Variants in COL28A1 observed in about 807,000 individuals in gnomAD.
COL28A1 encodes the protein collagen alpha-1(XXVIII) chain.
In COL28A1, 161 loss-of-function variants were observed where a neutral mutation model predicts 150.2. The ratio of observed to expected loss-of-function variants is 1.07; its 90% confidence interval spans 0.94 to 1.22. The LOEUF is 1.22. COL28A1 is among the 50% of genes most tolerant of loss of function. The probability of loss-of-function intolerance (pLI) is 0.00; values close to 1 mark genes in which losing one functional copy is unlikely to be tolerated. For synonymous variants in COL28A1, 552 were observed against 469.7 expected (o/e 1.18, Z -2.26); for missense variants, 1,617 against 1,388.3 (o/e 1.16, Z -2.62).
At chr7:7,348,067 A>T in the COL28A1 span, among the ~76,000 whole-genome samples, 12 of 152,248 alleles carry the variant, frequency 7.9e-5, no homozygotes, top group East Asian at 7.7e-4. Context: ...AGAGGAGGAA[A>T]TAGATTTGAG....
the COL28A1 span, among the ~76,000 whole-genome samples, chr7:7,340,308 C>T: frequency 1.3e-5 from 2 of 152,120 alleles, no homozygotes; most frequent in South Asian, 4.1e-4. Flanking sequence ...TTTGAACTTT[C>T]CAGTGTTCCT....
chr7:7,488,475 C>A (rs183917344), intron 13 of COL28A1, among the ~76,000 whole-genome samples: 1 of 152,244 alleles, frequency 6.6e-6, no homozygotes, highest in East Asian at 1.9e-4. Flanking sequence ...TTTATTTGTA[C>A]CTAAGTGAGT....
intron 25 of COL28A1, among the ~76,000 whole-genome samples, chr7:7,426,906 A>G (rs1337566738): frequency 1.3e-5 from 2 of 152,222 alleles, no homozygotes; most frequent in Non-Finnish European, 1.5e-5. Context: ...TACGACAGTG[A>G]GAAGAGCAGG....
intron 11 of COL28A1, among the ~76,000 whole-genome samples, chr7:7,502,566 C>A (rs1395519941): frequency 6.6e-6 from 1 of 152,114 alleles, no homozygotes; most frequent in African/African-American, 2.4e-5. Flanking sequence ...TATCTAGAAC[C>A]TCTCGTGGAA....
At chr7:7,482,956 G>C (rs963849020) in intron 13 of COL28A1, among the ~76,000 whole-genome samples, 4 of 152,182 alleles carry the variant, frequency 2.6e-5, no homozygotes, top group Admixed American at 2.6e-4. Context: ...GAAATTTAGA[G>C]GGAGGAACAG....
At chr7:7,364,947 G>A (rs929536463) in intron 33 of COL28A1, among the ~76,000 whole-genome samples, 1 of 152,144 alleles carries the variant, frequency 6.6e-6, no homozygotes, top group South Asian at 2.1e-4. Flanking sequence ...GATATGCAAA[G>A]AGCGAAAGAG....
chr7:7,400,009 T>C (rs1243047411), intron 27 of COL28A1, among the ~76,000 whole-genome samples: 2 of 152,252 alleles, frequency 1.3e-5, no homozygotes, highest in African/African-American at 2.4e-5. Flanking sequence ...TGTATATTTT[T>C]CTGAATGAAA....
the COL28A1 span, among the ~76,000 whole-genome samples, chr7:7,345,884 C>T: frequency 6.6e-6 from 1 of 151,958 alleles, no homozygotes; most frequent in African/African-American, 2.4e-5. Flanking sequence ...TTCTTAGCTC[C>T]TTGGTTGACT....
chr7:7,453,922 G>A (rs1397205928), intron 16 of COL28A1, among the ~76,000 whole-genome samples: 2 of 152,158 alleles, frequency 1.3e-5, no homozygotes, highest in Non-Finnish European at 2.9e-5. Context: ...TGCAGATGAG[G>A]AAAGCACCCT....
At chr7:7,370,381 A>C (rs184474444) in intron 33 of COL28A1, among the ~76,000 whole-genome samples, 43 of 152,164 alleles carry the variant, frequency 2.8e-4, no homozygotes, top group Middle Eastern at 6.8e-3. Context: ...GCCTGGTATG[A>C]AAGGCACTGC....
chr7:7,532,708 T>C, intron 2 of COL28A1, 44 bp downstream of exon 2: 2 of 1,578,544 alleles, frequency 1.3e-6, no homozygotes, highest in Non-Finnish European at 1.7e-6. Context: ...CATAAGTATT[T>C]TTAACAGGCT....
chr7:7,448,941 CAG>C (rs1786477586), intron 18 of COL28A1, among the ~76,000 whole-genome samples: 1 of 151,998 alleles, frequency 6.6e-6, no homozygotes, highest in African/African-American at 2.4e-5. Flanking sequence ...AATTGGAAAG[CAG>C]ATCTGTGGGA....
At chr7:7,356,835 T>TA (rs1344525540), downstream of COL28A1, 13 of 152,124 alleles carry the variant, frequency 8.5e-5, no homozygotes, top group African/African-American at 3.1e-4. Context: ...CCCTAAAACT[T>TA]AAAGTATAAT....
intron 27 of COL28A1, among the ~76,000 whole-genome samples, chr7:7,383,682 G>GTGTGTA (rs1554262302): frequency 5.6e-5 from 7 of 124,096 alleles, no homozygotes; most frequent in African/African-American, 2.1e-4. Context: ...GTGTGTGTGT[G>GTGTGTA]TATATATATA....
In COL28A1 at chr7:7,497,894, T is replaced by C. The variant is rs551955406; in HGVS notation, c.1027-7248A>G. On this transcript the variant is annotated intron_variant, in intron 11 of 34. Transcript: ENST00000399429. ...ACTGGTAAGTGAACTGTACTGAGTT[T>C]GGAACCACTATTATGTCAAATCTCC... 4.6e-5 allele frequency among the ~76,000 whole-genome samples: 7 copies of C among 152,322 alleles called. No individual in the cohort carries two copies. In the South Asian group the frequency reaches 8.3e-4, roughly 18 times the overall value.
chr7:7,401,139 C>T (rs1412921036), intron 27 of COL28A1, among the ~76,000 whole-genome samples: 5 of 151,906 alleles, frequency 3.3e-5, no homozygotes, highest in East Asian at 3.9e-4. Context: ...TATTTCCTCA[C>T]GTGGCTTCCA....
At chr7:7,437,244 T>C (rs1785408642) in intron 22 of COL28A1, 150 bp downstream of exon 22, 2 of 1,299,982 alleles carry the variant, frequency 1.5e-6, no homozygotes, top group Non-Finnish European at 1.0e-6. Context: ...CTGCTGGCTG[T>C]AGTTTGCTTA....
chr7:7,433,373 C>G (rs1785117126), intron 23 of COL28A1, among the ~76,000 whole-genome samples: 1 of 152,094 alleles, frequency 6.6e-6, no homozygotes, highest in Non-Finnish European at 1.5e-5. Context: ...CGGTGGCTCA[C>G]GCCTGTAATC....
chr7:7,354,591 T>C (rs950438150), downstream of COL28A1, among the ~76,000 whole-genome samples: 1 of 152,192 alleles, frequency 6.6e-6, no homozygotes, highest in African/African-American at 2.4e-5. Flanking sequence ...TGACAGGCTA[T>C]TAGTATTGTT....
Sources: gnomAD v4.1 joint callset for allele counts (sites outside exome capture counted in the v4.1 genomes callset) on GRCh38, gnomAD v4.1.1 for gene constraint, MANE v1.5 for transcripts, NCBI Gene and HGNC (gene_info 2026-07-23, HGNC 2026-07-21) for gene names.